The following DLG2 variants were observed in gnomAD, a reference collection of about 807,000 sequenced individuals.
The protein encoded by DLG2 is discs large MAGUK scaffold protein 2.
DLG2 carries 45 observed loss-of-function variants against 132.5 expected under a neutral mutation model. The ratio of observed to expected loss-of-function variants is 0.34; its 90% CI spans 0.27 to 0.44. The LOEUF is 0.44. Ranked by LOEUF, DLG2 falls within the 20% of genes least tolerant of loss-of-function variation. DLG2 has a pLI of 1.00. For synonymous variants in DLG2, 424 were observed against 419.6 expected (o/e 1.01, Z -0.13); for missense variants, 1,045 against 1,196.9 (o/e 0.87, Z 1.87).
Position 83,738,376 on chromosome 11 carries a change from C to G in DLG2, c.1825+48314G>C, listed in dbSNP as rs118032410. 9.5e-3 allele frequency among the ~76,000 whole-genome samples: 1,437 copies of G among 152,008 alleles called. 12 individuals carry two copies. Among genetic ancestry groups the G allele is most frequent in the Admixed American group, 0.036 (554 of 15,258 alleles). ...TCTTATGTTGAAAAAGAGGGGCAGG[C>G]TTCTCTTTGGGGGCTGCTCCCCAAA... On this transcript the variant is annotated intron_variant, in intron 18 of 27. Coordinates refer to ENST00000376104, the MANE Select transcript of DLG2 (RefSeq NM_001142699.3).
intron 8 of DLG2, among the ~76,000 whole-genome samples, chr11:84,230,285 T>C (rs753893988): frequency 5.9e-5 from 9 of 152,202 alleles, no homozygotes; most frequent in Non-Finnish European, 1.2e-4. Context: ...CTTCCTGCTC[T>C]GTTATTATTC....
intron 19 of DLG2, among the ~76,000 whole-genome samples, chr11:83,605,502 C>T (rs745316980): frequency 1.3e-5 from 2 of 152,156 alleles, no homozygotes; most frequent in African/African-American, 2.4e-5. Context: ...ACAGCAACAA[C>T]GATTGATTAC....
At chr11:85,297,499 T>C (rs2079308688) in intron 3 of DLG2, among the ~76,000 whole-genome samples, 1 of 152,202 alleles carries the variant, frequency 6.6e-6, no homozygotes, top group African/African-American at 2.4e-5. Flanking sequence ...CAAGGAAAAC[T>C]ATGCTGATAG....
chr11:85,040,022 C>T (rs1163696872), intron 6 of DLG2, among the ~76,000 whole-genome samples: 3 of 151,878 alleles, frequency 2.0e-5, no homozygotes, highest in East Asian at 1.9e-4. Context: ...CAGGTGAATC[C>T]GGATTCCATA....
intron 15 of DLG2, among the ~76,000 whole-genome samples, chr11:83,922,947 G>A (rs1230552067): frequency 6.6e-6 from 1 of 152,114 alleles, no homozygotes; most frequent in Non-Finnish European, 1.5e-5. Flanking sequence ...ACCACTATGA[G>A]TAGATAGAAA....
intron 6 of DLG2, among the ~76,000 whole-genome samples, chr11:84,716,684 T>C (rs1391908466): frequency 2.7e-5 from 4 of 146,100 alleles, no homozygotes; most frequent in Non-Finnish European, 6.0e-5. Context: ...CTTGTAGGTG[T>C]GATGATGGCA....
At chr11:84,964,633 G>A (rs1437120514) in intron 6 of DLG2, among the ~76,000 whole-genome samples, 3 of 152,078 alleles carry the variant, frequency 2.0e-5, no homozygotes, top group East Asian at 3.8e-4. Flanking sequence ...TTCATTCAAT[G>A]AGCATTAAAT....
At chr11:85,495,981 T>A (rs542925702) in intron 3 of DLG2, among the ~76,000 whole-genome samples, 25 of 152,032 alleles carry the variant, frequency 1.6e-4, no homozygotes, top group Non-Finnish European at 3.2e-4. Context: ...CCCAGTGAGA[T>A]CGACGCAGAA....
chr11:84,130,006 C>T (rs990835402), intron 9 of DLG2, among the ~76,000 whole-genome samples: 11 of 151,962 alleles, frequency 7.2e-5, no homozygotes, highest in African/African-American at 2.7e-4. Flanking sequence ...ATATTTAGTA[C>T]TATACCAAGT....
At position 84,497,964 on chromosome 11, in the gene DLG2, G is replaced by A. The variant is rs536994194; in HGVS notation, c.519+36606C>T. Among the ~76,000 whole-genome samples, 11 of 152,216 alleles carry A rather than the reference G, an allele frequency of 7.2e-5. 1 individual carries two copies. The South Asian group carries it at 2.3e-3, about 32-fold the overall frequency. On this transcript the variant is annotated intron_variant, in intron 7 of 27. Transcript: ENST00000376104. ...ACGATACACTAGAGGACAGAACCCA[G>A]GCACTCATGGTAAGAAAGCAAATGA... is the stretch of plus-strand genomic sequence containing the variant.
intron 4 of DLG2, among the ~76,000 whole-genome samples, chr11:85,256,938 T>C (rs888321833): frequency 6.6e-6 from 1 of 152,232 alleles, no homozygotes; most frequent in South Asian, 2.1e-4. Context: ...TGAATGCTTA[T>C]AGCAAGCTAA....
intron 19 of DLG2, among the ~76,000 whole-genome samples, chr11:83,580,534 T>C (rs1195202125): frequency 6.6e-6 from 1 of 152,198 alleles, no homozygotes; most frequent in Non-Finnish European, 1.5e-5. Context: ...ATGCAAGCAA[T>C]TGAAAGGGCT....
At chr11:83,839,712 T>TA (rs925538616) in intron 16 of DLG2, among the ~76,000 whole-genome samples, 2 of 152,158 alleles carry the variant, frequency 1.3e-5, no homozygotes, top group Non-Finnish European at 2.9e-5. Context: ...ATTCTTAATT[T>TA]AAAAAAGGGA....
chr11:83,633,580 T>C (rs1030535805), intron 18 of DLG2, among the ~76,000 whole-genome samples: 1 of 151,688 alleles, frequency 6.6e-6, no homozygotes, highest in Admixed American at 6.6e-5. Flanking sequence ...AAAAAGTCCA[T>C]GGGGGCTGGG....
At chr11:84,629,189 T>C (rs1022228421) in intron 6 of DLG2, among the ~76,000 whole-genome samples, 40 of 152,220 alleles carry the variant, frequency 2.6e-4, no homozygotes, top group African/African-American at 9.6e-4. Flanking sequence ...TTTTCTGAGC[T>C]TTATAAACAA....
chr11:84,430,904 C>T (rs1005945405), intron 7 of DLG2, among the ~76,000 whole-genome samples: 2 of 152,158 alleles, frequency 1.3e-5, no homozygotes, highest in Non-Finnish European at 2.9e-5. Flanking sequence ...TGCTGCTGCT[C>T]ACAACTGAGG....
At chr11:84,769,789 G>C (rs2068984020) in intron 6 of DLG2, among the ~76,000 whole-genome samples, 1 of 152,200 alleles carries the variant, frequency 6.6e-6, no homozygotes, top group Non-Finnish European at 1.5e-5. Context: ...TTTCTCACCA[G>C]AAACCTTATA....
intron 3 of DLG2, among the ~76,000 whole-genome samples, chr11:85,569,063 G>C (rs533569020): frequency 6.6e-6 from 1 of 151,956 alleles, no homozygotes; most frequent in African/African-American, 2.4e-5. Context: ...ATGGAGTCTC[G>C]CTCTGTCGCC....
At chr11:84,885,027 G>T (rs2088008269) in intron 6 of DLG2, among the ~76,000 whole-genome samples, 1 of 151,944 alleles carries the variant, frequency 6.6e-6, no homozygotes, top group Non-Finnish European at 1.5e-5. Context: ...GAAGATCCAG[G>T]ATCACCTAAA....
Sources: gnomAD v4.1 joint callset for allele counts (sites outside exome capture counted in the v4.1 genomes callset) on GRCh38, gnomAD v4.1.1 for gene constraint, MANE v1.5 for transcripts, NCBI Gene and HGNC (gene_info 2026-07-23, HGNC 2026-07-21) for gene names.